Variants in KRT26 observed in about 807,000 individuals in gnomAD.
KRT26 encodes the protein keratin, type I cytoskeletal 26.
Under a neutral mutation model 46.1 loss-of-function variants are expected in KRT26, and 45 were observed. That is an observed-to-expected ratio of 0.98 (90% confidence interval 0.77 to 1.25). KRT26 has a LOEUF of 1.25. Ranked by LOEUF, KRT26 falls within the 50% of genes most tolerant of loss-of-function variation. The pLI is 0.00. For synonymous variants in KRT26, 191 were observed against 209.9 expected, an observed-to-expected ratio of 0.91 and a Z score of 0.78; for missense variants, 582 against 560.1, an observed-to-expected ratio of 1.04 and a Z score of -0.39.
At chr17:40,766,735 GC>G in intron 7 of KRT26, 69 bp from the exon 8 acceptor site, 4 of 1,164,436 alleles carry the variant, frequency 3.4e-6, no homozygotes, top group Non-Finnish European at 5.0e-6. Context: ...TAATAGGTAT[GC>G]TTTTTGTTTG....
At chr17:40,769,148 T>C (rs762814346) in intron 5 of KRT26, 52 bp from the exon 6 acceptor site, 3 of 1,135,016 alleles carry the variant, frequency 2.6e-6, no homozygotes, top group Non-Finnish European at 2.6e-6. Context: ...AATGGCATGG[T>C]CATCTTATAT....
intron 7 of KRT26, among the ~76,000 whole-genome samples, chr17:40,767,189 A>G (rs554896109): frequency 8.5e-5 from 13 of 152,366 alleles, no homozygotes; most frequent in South Asian, 6.2e-4. Flanking sequence ...GAAAACATAA[A>G]TGAAACATGG....
At chr17:40,771,841 G>C (rs745346075) in exon 1 of KRT26, 5 of 1,613,058 alleles carry the variant, frequency 3.1e-6, no homozygotes, top group Non-Finnish European at 4.2e-6. Context: ...CCAGGCGGTC[G>C]TTGAGATTCT....
exon 3 of KRT26, chr17:40,770,259 A>G (rs1597798997): frequency 1.2e-6 from 2 of 1,614,126 alleles, no homozygotes; most frequent in African/African-American, 1.3e-5. Flanking sequence ...TTACCTCCTC[A>G]TGACTTTTTT....
intron 2 of KRT26, among the ~76,000 whole-genome samples, chr17:40,770,712 TCTCA>T (rs769868887): frequency 1.1e-4 from 17 of 152,248 alleles, no homozygotes; most frequent in Non-Finnish European, 1.9e-4. Context: ...TTTGAGACAG[TCTCA>T]CTCTGTCACC....
chr17:40,770,196 G>C (rs781519073), intron 3 of KRT26, 57 bp downstream of exon 3: 234 of 1,611,620 alleles, frequency 1.5e-4, no homozygotes, highest in Non-Finnish European at 1.9e-4. Context: ...GAAATGAACA[G>C]TGGACTTCAA....
chr17:40,767,343 C>G (rs1413750636), intron 7 of KRT26, among the ~76,000 whole-genome samples: 2 of 152,116 alleles, frequency 1.3e-5, no homozygotes, highest in Non-Finnish European at 2.9e-5. Context: ...ATAATACATT[C>G]CAGGTAAGAA....
chr17:40,772,011 C>A (rs770858386), exon 1 of KRT26: 1 of 1,614,176 alleles, frequency 6.2e-7, no homozygotes, highest in Non-Finnish European at 8.5e-7. Context: ...CCCGATCCAA[C>A]ACACACATTC....
chr17:40,766,446 G>T, exon 8 of KRT26: 1 of 1,333,810 alleles, frequency 7.5e-7, no homozygotes, highest in Non-Finnish European at 1.0e-6. Flanking sequence ...TTTTTGCAAA[G>T]GCAGCCTTTC....
intron 1 of KRT26, 43 bp downstream of exon 1, chr17:40,771,630 A>G (rs2144148774): frequency 1.3e-6 from 2 of 1,503,992 alleles, no homozygotes; most frequent in South Asian, 2.5e-5. Flanking sequence ...AATTATCAAC[A>G]CACAAAGTCT....
At chr17:40,768,987 C>A (rs138784431) in exon 6 of KRT26, 4 of 1,613,096 alleles carry the variant, frequency 2.5e-6, no homozygotes, top group East Asian at 2.2e-5. Flanking sequence ...TGTTTCTGTT[C>A]GAATCTGTTG....
chr17:40,771,154 T>C, exon 2 of KRT26: 1 of 1,560,218 alleles, frequency 6.4e-7, no homozygotes, highest in Non-Finnish European at 8.7e-7. Flanking sequence ...TTTCACCTAC[T>C]TCAGCCTGAA....
At chr17:40,771,930 C>G (rs2038225260) in exon 1 of KRT26, 5 of 1,614,098 alleles carry the variant, frequency 3.1e-6, no homozygotes, top group African/African-American at 1.3e-5. Context: ...CTTCCCAACC[C>G]TCCACCGCTA....
At chr17:40,769,633 AT>A in intron 5 of KRT26, 120 bp downstream of exon 5, 1 of 1,036,552 alleles carries the variant, frequency 9.6e-7, no homozygotes, top group Non-Finnish European at 1.4e-6. Context: ...TATTTAATAT[AT>A]TTTATACTTT....
chr17:40,771,692 A>G lies in KRT26; in HGVS notation c.422T>C (p.Ile141Thr), dbSNP rs559735624. Residue 141 changes from isoleucine to threonine, a missense_variant, in exon 1 of 8, where the codon ATA becomes ACA. Physicochemically the swap from Ile to Thr is moderately conservative, Grantham distance 89 (BLOSUM62 -1). Transcript: ENST00000335552. ...TCTTACCTGCCTTTTAAGATCTTCT[A>G]TGACTGAGAAGTATCTGCTATAGTC... 6.8e-5 allele frequency: 110 copies of G among 1,613,168 alleles called. 2 individuals carry two copies. The East Asian group carries it at 8.7e-4, about 13-fold the overall frequency.
chr17:40,772,046 C>A, exon 1 of KRT26: 1 of 1,614,192 alleles, frequency 6.2e-7, no homozygotes, highest in Non-Finnish European at 8.5e-7. Flanking sequence ...TGTTCCTCCA[C>A]CGGACAGCCT....
exon 2 of KRT26, chr17:40,771,199 A>C (rs752750511): frequency 3.7e-6 from 6 of 1,608,638 alleles, no homozygotes; most frequent in Non-Finnish European, 5.1e-6. Flanking sequence ...GTCATTTTGT[A>C]GAACAATGCT....
chr17:40,770,437 T>C, intron 2 of KRT26, 28 bp from the exon 3 acceptor site: 1 of 1,555,242 alleles, frequency 6.4e-7, no homozygotes, highest in Non-Finnish European at 8.7e-7. Flanking sequence ...CACCTGAGAG[T>C]TGTCATCGTA....
rs1376423687 is a variant in KRT26, at chr17:40,772,138, C to A, written c.-25G>T. ...TGGTGGCAGCACAGCCGGGCAACCC[C>A]TTCCCAGAAAGAGGAGCAAAGCCAG... On this transcript the variant is annotated 5_prime_UTR_variant, in exon 1 of 8. It adds an upstream start codon to the 5' untranslated region. Coordinates refer to ENST00000335552, the Ensembl canonical transcript of KRT26. 6.2e-7 allele frequency: 1 copy of A among 1,604,960 alleles called. No homozygotes were observed. Among genetic ancestry groups the A allele is most frequent in the South Asian group, 1.1e-5 (1 of 90,600 alleles).
Sources: gnomAD v4.1 joint callset for allele counts (sites outside exome capture counted in the v4.1 genomes callset) on GRCh38, gnomAD v4.1.1 for gene constraint, MANE v1.5 for transcripts, NCBI Gene and HGNC (gene_info 2026-07-23, HGNC 2026-07-21) for gene names.